SREBF2: variants seen among roughly 807,000 people sequenced by gnomAD.
SREBF2 encodes sterol regulatory element binding transcription factor 2, also known as sterol regulatory element-binding protein 2.
A neutral mutation model predicts 113.1 loss-of-function variants in SREBF2; 55 were observed. That is an observed-to-expected ratio of 0.49 (90% CI 0.39 to 0.61). The LOEUF (loss-of-function observed/expected upper bound fraction) is 0.61. SREBF2 is among the 20% of genes least tolerant of loss of function. SREBF2 has a pLI of 0.00. For synonymous variants in SREBF2, 593 were observed against 605.7 expected (o/e 0.98, Z 0.31); for missense variants, 1,349 against 1,487.4 (o/e 0.91, Z 1.53).
At chr22:41,900,284 G>T (rs1387911563) in intron 15 of SREBF2, 46 bp from the exon 16 acceptor site, 9 of 1,601,624 alleles carry the variant, frequency 5.6e-6, no homozygotes, top group Non-Finnish European at 7.6e-6. Flanking sequence ...CTGTCACGCA[G>T]GTGACACATA....
intron 1 of SREBF2, among the ~76,000 whole-genome samples, chr22:41,865,174 C>G (rs562947881): frequency 1.3e-5 from 2 of 151,932 alleles, no homozygotes; most frequent in Admixed American, 6.6e-5. Context: ...CACACAGCAT[C>G]AGAGACCTGA....
Position 41,890,537 on chromosome 22 carries a change from T to C in SREBF2, c.2209-2580T>C, listed in dbSNP as rs775541044. 3.8e-4 allele frequency among the ~76,000 whole-genome samples: 58 copies of C among 152,148 alleles called. 1 individual carries two copies. Among genetic ancestry groups the C allele is most frequent in the Admixed American group, 2.2e-3 (34 of 15,280 alleles). Reference sequence around the variant, plus strand: ...CAGGGATACTGAGTGGCTCTCAGGATCTAAACAGTTGTGGGGTTCTTGCCA... The same window carrying C: ...CAGGGATACTGAGTGGCTCTCAGGACCTAAACAGTTGTGGGGTTCTTGCCA... On this transcript the variant is annotated intron_variant, in intron 11 of 18. Transcript: ENST00000361204.
chr22:41,835,604 C>G (rs1429280794), intron 1 of SREBF2, among the ~76,000 whole-genome samples: 4 of 151,524 alleles, frequency 2.6e-5, no homozygotes, highest in African/African-American at 9.7e-5. Context: ...GCCACTGTAC[C>G]TGGCCGAGCC....
chr22:41,893,057 A>G, intron 11 of SREBF2, 60 bp from the exon 12 acceptor site: 1 of 1,591,404 alleles, frequency 6.3e-7, no homozygotes, highest in Non-Finnish European at 8.6e-7. Flanking sequence ...TGCACCCCAC[A>G]GTGGCTGCAG....
chr22:41,895,824 G>T (rs1426286802), intron 13 of SREBF2, among the ~76,000 whole-genome samples: 4 of 151,986 alleles, frequency 2.6e-5, no homozygotes, highest in Admixed American at 6.6e-5. Context: ...TGCTTTTTGG[G>T]GTAGGGAGCA....
intron 12 of SREBF2, 108 bp downstream of exon 12, chr22:41,893,393 G>T: frequency 8.0e-7 from 1 of 1,251,360 alleles, no homozygotes. Context: ...TCTTAATCTT[G>T]TTGAGTCCGT....
chr22:41,900,100 C>CT (rs1244256234), intron 15 of SREBF2: 1 of 1,436,852 alleles, frequency 7.0e-7, no homozygotes, highest in East Asian at 2.6e-5. Context: ...GCCTGTGTCT[C>CT]TGACTTCCAG....
intron 4 of SREBF2, 120 bp from the exon 5 acceptor site, chr22:41,873,678 G>C: frequency 1.0e-6 from 1 of 995,676 alleles, no homozygotes; most frequent in Non-Finnish European, 1.5e-6. Context: ...AAGAGTCTCA[G>C]ACCTCATGAA....
chr22:41,901,025 C>T (rs748461399), intron 16 of SREBF2: 1 of 522,648 alleles, frequency 1.9e-6, no homozygotes, highest in Non-Finnish European at 3.9e-6. Context: ...GCCTGCCTGG[C>T]CCTCGAGAGA....
At position 41,877,433 on chromosome 22, in the gene SREBF2, C is replaced by T. The variant is rs1180487914; in HGVS notation, c.1579+12C>T. 3 of 1,613,754 alleles carry T rather than the reference C, an allele frequency of 1.9e-6. No individual in the cohort carries two copies. The East Asian group carries it at 6.7e-5, about 36-fold the overall frequency. ...GTCATTCGAGTCAGGTAGGTGGAGG[C>T]CCCTTGCCCCACCTGGGCATGGCTG... On this transcript the variant is annotated intron_variant, in intron 8 of 18. Coordinates refer to ENST00000361204, the MANE Select transcript of SREBF2 (RefSeq NM_004599.4).
At chr22:41,864,255 T>TACACAC (rs1476279050) in intron 1 of SREBF2, among the ~76,000 whole-genome samples, 21 of 75,702 alleles carry the variant, frequency 2.8e-4, no homozygotes, top group African/African-American at 3.2e-4. Flanking sequence ...TATATATATA[T>TACACAC]ATATATACAC....
chr22:41,890,862 C>G (rs2077354295), intron 11 of SREBF2, among the ~76,000 whole-genome samples: 1 of 151,280 alleles, frequency 6.6e-6, no homozygotes, highest in African/African-American at 2.4e-5. Flanking sequence ...GAGCCAAGAT[C>G]ACACCACTGC....
At chr22:41,838,598 T>C (rs1246266198) in intron 1 of SREBF2, among the ~76,000 whole-genome samples, 1 of 152,128 alleles carries the variant, frequency 6.6e-6, no homozygotes, top group Non-Finnish European at 1.5e-5. Flanking sequence ...CCGGGCATGA[T>C]GGTGGGCACC....
intron 1 of SREBF2, among the ~76,000 whole-genome samples, chr22:41,856,545 A>C (rs751591050): frequency 6.6e-6 from 1 of 152,248 alleles, no homozygotes; most frequent in Non-Finnish European, 1.5e-5. Flanking sequence ...TTTGAAGTAG[A>C]ATTGTGAAAT....
chr22:41,853,095 CA>C (rs1190076885), intron 1 of SREBF2, among the ~76,000 whole-genome samples: 1 of 152,184 alleles, frequency 6.6e-6, no homozygotes, highest in Non-Finnish European at 1.5e-5. Context: ...CTAGGCAGGA[CA>C]GCAGCCTCTG....
At chr22:41,899,205 G>A in intron 15 of SREBF2, 1 of 1,107,236 alleles carries the variant, frequency 9.0e-7, no homozygotes. Flanking sequence ...TCTTGCCCCT[G>A]TGTGCTAGCA....
chr22:41,898,906 G>A lies in SREBF2; in HGVS notation c.2738+125G>A, dbSNP rs1445091348. ...GGTCAGGACTGCATGACAGGTGGGC[G>A]GCTAGAAAAGTCGGGGGTGAGGGCA... On this transcript the variant is annotated intron_variant, in intron 15 of 18. Coordinates refer to ENST00000361204, the MANE Select transcript of SREBF2 (RefSeq NM_004599.4). 15 of 1,411,786 alleles carry A rather than the reference G, an allele frequency of 1.1e-5. No homozygotes were observed. In the East Asian group the frequency reaches 1.5e-4, roughly 14 times the overall value. 87.5% of individuals were successfully genotyped at this position (1,411,786 alleles called of 1,614,324 possible). A position where few individuals can be genotyped will look rare whatever the true frequency, so the allele number is the denominator to read the frequency against.
chr22:41,859,515 A>C (rs1379178456), intron 1 of SREBF2, among the ~76,000 whole-genome samples: 1 of 152,112 alleles, frequency 6.6e-6, no homozygotes, highest in Non-Finnish European at 1.5e-5. Flanking sequence ...CAAATGCAAA[A>C]TTTATATTAT....
intron 12 of SREBF2, among the ~76,000 whole-genome samples, chr22:41,894,121 C>T (rs186014639): frequency 6.6e-4 from 101 of 152,312 alleles, no homozygotes; most frequent in Non-Finnish European, 1.8e-4. Flanking sequence ...TAAACATGGA[C>T]TTCTCAGTGG....
Sources: allele counts gnomAD v4.1 joint callset (sites outside exome capture counted in the v4.1 genomes callset), GRCh38; gene constraint gnomAD v4.1.1; transcripts MANE v1.5; gene names NCBI Gene and HGNC (gene_info 2026-07-23, HGNC 2026-07-21).